CNTNAP2: variants seen among roughly 807,000 people sequenced by gnomAD.
The protein encoded by CNTNAP2 is contactin-associated protein-like 2.
In CNTNAP2, 98 loss-of-function variants were observed where a neutral mutation model predicts 155.2. The observed-to-expected ratio is 0.63, with a 90% CI of 0.54 to 0.75. CNTNAP2 has a LOEUF of 0.75. Ranked by LOEUF, CNTNAP2 falls within the 30% of genes least tolerant of loss-of-function variation. The pLI is 0.00. For synonymous variants in CNTNAP2, 651 were observed against 631.2 expected, an observed-to-expected ratio of 1.03 and a Z score of -0.47; for missense variants, 1,727 against 1,688.1, an observed-to-expected ratio of 1.02 and a Z score of -0.40.
intron 3 of CNTNAP2, among the ~76,000 whole-genome samples, chr7:146,885,324 T>A (rs1341034185): frequency 6.6e-6 from 1 of 152,198 alleles, no homozygotes. Context: ...AAATGAATTA[T>A]TAACAAGTTA....
intron 1 of CNTNAP2, among the ~76,000 whole-genome samples, chr7:146,569,078 G>A (rs1354129810): frequency 2.0e-5 from 3 of 151,714 alleles, no homozygotes; most frequent in African/African-American, 4.8e-5. Flanking sequence ...GTGCAGTGGC[G>A]CAATCTTGGC....
intron 1 of CNTNAP2, among the ~76,000 whole-genome samples, chr7:146,237,579 A>G (rs1165902239): frequency 2.0e-5 from 3 of 150,454 alleles, no homozygotes; most frequent in Non-Finnish European, 3.0e-5. Flanking sequence ...GCAAGTGCCT[A>G]GAATAGCATT....
At chr7:147,407,919 G>T (rs1259786439) in intron 10 of CNTNAP2, among the ~76,000 whole-genome samples, 1 of 152,180 alleles carries the variant, frequency 6.6e-6, no homozygotes, top group Non-Finnish European at 1.5e-5. Context: ...AAGTGTGGAG[G>T]CACAGATAAC....
At chr7:146,262,541 T>A (rs1290100609) in intron 1 of CNTNAP2, among the ~76,000 whole-genome samples, 1 of 152,170 alleles carries the variant, frequency 6.6e-6, no homozygotes, top group Non-Finnish European at 1.5e-5. Context: ...CAAATCAAAA[T>A]TTCTATTGGT....
chr7:147,511,252 A>G (rs562507024), intron 11 of CNTNAP2, among the ~76,000 whole-genome samples: 1 of 152,118 alleles, frequency 6.6e-6, no homozygotes, highest in Non-Finnish European at 1.5e-5. Context: ...GTACATCGTG[A>G]ATACCGACCT....
intron 3 of CNTNAP2, among the ~76,000 whole-genome samples, chr7:147,006,666 T>C (rs1798530633): frequency 6.6e-6 from 1 of 152,124 alleles, no homozygotes; most frequent in Admixed American, 6.6e-5. Flanking sequence ...TTTTGAGTTT[T>C]AAAGTGTGTG....
At chr7:147,818,276 C>A (rs2116617646) in intron 13 of CNTNAP2, among the ~76,000 whole-genome samples, 1 of 152,140 alleles carries the variant, frequency 6.6e-6, no homozygotes, top group African/African-American at 2.4e-5. Flanking sequence ...GATAAAGTTC[C>A]TTTCTCTTTG....
intron 3 of CNTNAP2, among the ~76,000 whole-genome samples, chr7:146,925,453 G>A (rs1307594625): frequency 6.6e-6 from 1 of 152,000 alleles, no homozygotes; most frequent in African/African-American, 2.4e-5. Context: ...AAATGTAGTG[G>A]AAACATCCAA....
chr7:147,336,696 T>G (rs956266115), intron 9 of CNTNAP2, among the ~76,000 whole-genome samples: 2 of 152,120 alleles, frequency 1.3e-5, no homozygotes, highest in Non-Finnish European at 2.9e-5. Context: ...TCCAGGACAT[T>G]AAATATCTAG....
chr7:147,523,225 T>C (rs1799261056), intron 11 of CNTNAP2, among the ~76,000 whole-genome samples: 1 of 152,130 alleles, frequency 6.6e-6, no homozygotes, highest in Non-Finnish European at 1.5e-5. Flanking sequence ...ACTGGGCACA[T>C]CTGTTCTTTC....
chr7:147,299,947 T>C (rs1329044036), intron 8 of CNTNAP2, among the ~76,000 whole-genome samples, 194 bp from the exon 9 acceptor site: 1 of 152,186 alleles, frequency 6.6e-6, no homozygotes, highest in Non-Finnish European at 1.5e-5. Flanking sequence ...TTATGCCTTA[T>C]TCAGTTAGGT....
At chr7:148,383,534 C>T in intron 21 of CNTNAP2, 115 bp from the exon 22 acceptor site, 10 of 1,437,114 alleles carry the variant, frequency 7.0e-6, no homozygotes, top group Non-Finnish European at 9.7e-6. Context: ...AACAATGTAA[C>T]ATCTTAAACT....
intron 14 of CNTNAP2, among the ~76,000 whole-genome samples, chr7:147,925,154 AGAAGGAAGGAAGGAAGGAAG>A (rs144682428): frequency 9.5e-5 from 6 of 63,342 alleles, no homozygotes; most frequent in African/African-American, 2.9e-4. Flanking sequence ...AGAGAGAGAG[AGAAGGAAGGAAGGAAGGAAG>A]GAAGGAAGGA....
chr7:146,919,459 T>C (rs1391796318), intron 3 of CNTNAP2, among the ~76,000 whole-genome samples: 1 of 152,178 alleles, frequency 6.6e-6, no homozygotes, highest in Non-Finnish European at 1.5e-5. Flanking sequence ...ATTTGTCTTC[T>C]GGATCTAGCC....
At chr7:148,052,811 C>G (rs60507668) in intron 15 of CNTNAP2, among the ~76,000 whole-genome samples, 2,102 of 152,300 alleles carry the variant, frequency 0.014, 32 homozygotes, top group African/African-American at 0.048. Flanking sequence ...CTTTGAGAGG[C>G]CAAGGTGAGC....
chr7:146,930,139 A>AG (rs1382614262), intron 3 of CNTNAP2, among the ~76,000 whole-genome samples: 11 of 152,068 alleles, frequency 7.2e-5, no homozygotes, highest in Non-Finnish European at 5.9e-5. Flanking sequence ...CATAATTGTC[A>AG]ATTCACCAAA....
chr7:146,842,548 A>G (rs1803748782), intron 3 of CNTNAP2, among the ~76,000 whole-genome samples: 1 of 151,972 alleles, frequency 6.6e-6, no homozygotes, highest in Non-Finnish European at 1.5e-5. Flanking sequence ...GTTTTGATTG[A>G]CTCACGTTTC....
intron 9 of CNTNAP2, chr7:147,378,233 T>TTCATTA: frequency 3.7e-6 from 1 of 272,440 alleles, no homozygotes; most frequent in Non-Finnish European, 7.3e-6. Flanking sequence ...ACTCACTCTG[T>TTCATTA]AGCTTTGTCT....
intron 3 of CNTNAP2, among the ~76,000 whole-genome samples, chr7:146,930,347 A>T (rs1309323821): frequency 6.6e-6 from 1 of 152,070 alleles, no homozygotes; most frequent in East Asian, 1.9e-4. Context: ...TAAGATTCAT[A>T]AGTGAAGGAG....
Sources: allele counts gnomAD v4.1 joint callset (sites outside exome capture counted in the v4.1 genomes callset), GRCh38; gene constraint gnomAD v4.1.1; transcripts MANE v1.5; gene names NCBI Gene and HGNC (gene_info 2026-07-23, HGNC 2026-07-21).